Variants in OSBPL1A observed in about 807,000 individuals in gnomAD.
OSBPL1A encodes the protein oxysterol binding protein like 1A.
OSBPL1A carries 80 observed loss-of-function variants against 137.1 expected under a neutral mutation model. The ratio of observed to expected loss-of-function variants is 0.58; its 90% CI spans 0.49 to 0.70. The LOEUF (loss-of-function observed/expected upper bound fraction) is 0.70. Among genes scored for constraint, OSBPL1A ranks in the 30% least tolerant of loss-of-function variants. The probability of loss-of-function intolerance (pLI) is 0.00; values close to 1 mark genes in which losing one functional copy is unlikely to be tolerated. For missense variants in OSBPL1A, 970 were observed against 1,129.4 expected (o/e 0.86, Z 2.02); for synonymous variants, 365 against 389.7 (o/e 0.94, Z 0.75).
Position 24,241,684 on chromosome 18 carries a change from T to C in OSBPL1A, c.1282-2302A>G, listed in dbSNP as rs578155961. Among the ~76,000 whole-genome samples the C allele has an allele frequency of 3.3e-3, 504 of 152,304 alleles. 2 individuals are homozygous for C. The highest frequency in any genetic ancestry group is 0.012 in the African/African-American group (488 of 41,570). ...CGCTTTTACTCTGTTGGTGGGAGTG[T>C]AAACTAGTTCAACCATTGTGGAAGA... On this transcript the variant is annotated intron_variant, in intron 15 of 27. Transcript: ENST00000319481.
intron 18 of OSBPL1A, among the ~76,000 whole-genome samples, chr18:24,193,749 T>C (rs1243045953): frequency 6.6e-6 from 1 of 152,332 alleles, no homozygotes; most frequent in South Asian, 2.1e-4. Context: ...CGACTTCCCC[T>C]GAAGCTCTCT....
chr18:24,338,326 T>C (rs7233179), intron 5 of OSBPL1A, among the ~76,000 whole-genome samples: 49,585 of 151,358 alleles, frequency 0.33, 11,090 homozygotes, highest in African/African-American at 0.64. Flanking sequence ...ATGATCCACC[T>C]ACCTTGGCCT....
chr18:24,284,850 A>G (rs974971605), intron 14 of OSBPL1A, among the ~76,000 whole-genome samples: 5 of 152,192 alleles, frequency 3.3e-5, no homozygotes, highest in African/African-American at 9.7e-5. Context: ...GACAAAAAAA[A>G]CTATTTTCTT....
chr18:24,366,982 A>G lies in OSBPL1A; in HGVS notation c.208-16T>C, dbSNP rs763814558. 1 of 1,588,534 alleles carries G rather than the reference A, an allele frequency of 6.3e-7. No individual in the cohort carries two copies. The highest frequency in any genetic ancestry group is 8.6e-7 in the Non-Finnish European group (1 of 1,166,930). ...CTGCACCAGCCTAGTAAACATGACCACTTTAAATACCAAGAAATATACAAT... is the reference window on the plus strand; with the variant it reads ...CTGCACCAGCCTAGTAAACATGACCGCTTTAAATACCAAGAAATATACAAT... On this transcript the variant is annotated splice_polypyrimidine_tract_variant and intron_variant, in intron 3 of 27. Transcript: ENST00000319481.
At chr18:24,367,000 T>C in intron 3 of OSBPL1A, 34 bp from the exon 4 acceptor site, 2 of 1,538,494 alleles carry the variant, frequency 1.3e-6, no homozygotes, top group Non-Finnish European at 1.8e-6. Context: ...TACCAAGAAA[T>C]ATACAATGGT....
At chr18:24,196,757 A>G (rs1221301261) in intron 17 of OSBPL1A, among the ~76,000 whole-genome samples, 3 of 152,262 alleles carry the variant, frequency 2.0e-5, no homozygotes, top group Non-Finnish European at 4.4e-5. Flanking sequence ...AACATACATC[A>G]GTACTTCCCC....
chr18:24,331,553 C>T (rs928128925), intron 7 of OSBPL1A, among the ~76,000 whole-genome samples: 12 of 151,492 alleles, frequency 7.9e-5, no homozygotes, highest in South Asian at 2.1e-4. Context: ...CCCGCCACCA[C>T]GCCCGGCTAA....
chr18:24,262,233 A>G (rs1457081928), intron 15 of OSBPL1A, among the ~76,000 whole-genome samples: 3 of 152,230 alleles, frequency 2.0e-5, no homozygotes, highest in African/African-American at 4.8e-5. Flanking sequence ...ATACTGCAGA[A>G]CATATGACTT....
At chr18:24,205,484 A>G (rs542252176) in intron 17 of OSBPL1A, among the ~76,000 whole-genome samples, 1 of 152,354 alleles carries the variant, frequency 6.6e-6, no homozygotes, top group Admixed American at 6.5e-5. Flanking sequence ...TGTCCCAACA[A>G]TACACATTCA....
chr18:24,359,628 G>A (rs949666379), intron 4 of OSBPL1A, among the ~76,000 whole-genome samples: 6 of 151,990 alleles, frequency 3.9e-5, no homozygotes, highest in Non-Finnish European at 7.4e-5. Context: ...AGTGAGCTAT[G>A]AGGGCCCCAC....
At chr18:24,189,559 T>C (rs560209386) in intron 18 of OSBPL1A, among the ~76,000 whole-genome samples, 2 of 152,246 alleles carry the variant, frequency 1.3e-5, no homozygotes, top group East Asian at 1.9e-4. Flanking sequence ...CACCTCTACC[T>C]CCCACAGCTA....
At chr18:24,358,316 C>G in intron 4 of OSBPL1A, 2 of 606,834 alleles carry the variant, frequency 3.3e-6, no homozygotes, top group East Asian at 2.8e-5. Flanking sequence ...CCAACAGGGA[C>G]AACTTTGAAG....
At chr18:24,393,601 C>T (rs978856448) in intron 1 of OSBPL1A, among the ~76,000 whole-genome samples, 1 of 152,112 alleles carries the variant, frequency 6.6e-6, no homozygotes, top group Non-Finnish European at 1.5e-5. Flanking sequence ...TACAGCTGCC[C>T]GCCACCACGC....
chr18:24,334,420 C>A (rs2091135635), intron 5 of OSBPL1A, 90 bp from the exon 6 acceptor site: 2 of 923,422 alleles, frequency 2.2e-6, no homozygotes, highest in South Asian at 4.0e-5. Context: ...ATGAGAAAAA[C>A]CAAAATGTTT....
Position 24,196,331 on chromosome 18 carries a change from G to A in OSBPL1A, c.1602-131C>T. ...TAAAAATGTGTGTCATCACAGACAG[G>A]GCTAAGCAGGGCTAATCTAGGGTTG... On this transcript the variant is annotated intron_variant, in intron 17 of 27. Coordinates refer to ENST00000319481, the MANE Select transcript of OSBPL1A (RefSeq NM_080597.4). 5 of 637,464 alleles carry A rather than the reference G, an allele frequency of 7.8e-6. No homozygotes were observed. The South Asian group carries it at 9.4e-5, about 12-fold the overall frequency. The allele number at this position is 637,464 out of a possible 1,614,324, so 39.5% of individuals were successfully genotyped here.
At position 24,171,267 on chromosome 18, in the gene OSBPL1A, C is replaced by G. The variant is rs1326952299; in HGVS notation, c.2291+142G>C. 7.1e-6 allele frequency: 4 copies of G among 563,316 alleles called. No individual in the cohort carries two copies. The Admixed American group carries it at 1.3e-4, about 18-fold the overall frequency. The allele number at this position is 563,316 out of a possible 1,614,324, so 34.9% of individuals were successfully genotyped here. A position where few individuals can be genotyped will look rare whatever the true frequency, so the allele number is the denominator to read the frequency against. On this transcript the variant is annotated intron_variant, in intron 23 of 27. Transcript: ENST00000319481. ...GCCAGGCTGGTCTTGAACCTGACCT[C>G]GTGATCTGCCCACCTCAGCCTCCCA...
At chr18:24,377,268 A>C in intron 2 of OSBPL1A, 145 bp downstream of exon 2, 1 of 973,450 alleles carries the variant, frequency 1.0e-6, no homozygotes, top group Non-Finnish European at 1.4e-6. Flanking sequence ...GGGCTAGGAG[A>C]GACATTTCCT....
At chr18:24,377,108 G>T (rs533370856) in intron 2 of OSBPL1A, among the ~76,000 whole-genome samples, 2 of 152,252 alleles carry the variant, frequency 1.3e-5, no homozygotes, top group Admixed American at 1.3e-4. Context: ...GCCCGAAAGC[G>T]AGCGAGGTCT....
At chr18:24,252,887 G>A (rs558396394) in intron 15 of OSBPL1A, among the ~76,000 whole-genome samples, 20 of 151,404 alleles carry the variant, frequency 1.3e-4, no homozygotes, top group African/African-American at 3.9e-4. Context: ...TGCAATCAGC[G>A]TTGTCATCAG....
Sources: gnomAD v4.1 joint callset for allele counts (sites outside exome capture counted in the v4.1 genomes callset) on GRCh38, gnomAD v4.1.1 for gene constraint, MANE v1.5 for transcripts, NCBI Gene and HGNC (gene_info 2026-07-23, HGNC 2026-07-21) for gene names.